The following ACAD11 variants were observed in gnomAD, a reference collection of about 807,000 sequenced individuals.
ACAD11 encodes acyl-CoA dehydrogenase family member 11, also known as acyl-Coenzyme A dehydrogenase family, member 11.
ACAD11 carries 83 observed loss-of-function variants against 102.2 expected under a neutral mutation model. The observed-to-expected ratio is 0.81, with a 90% confidence interval of 0.68 to 0.97. The LOEUF is 0.97. Ranked by LOEUF, ACAD11 falls within the 50% of genes least tolerant of loss-of-function variation. The pLI, the probability that ACAD11 is intolerant of heterozygous loss-of-function variation, is 0.00. For synonymous variants in ACAD11, 324 were observed against 319.8 expected (o/e 1.01, Z -0.14); for missense variants, 901 against 951.7 (o/e 0.95, Z 0.70).
chr3:132,637,844 A>C (rs574846376), intron 5 of ACAD11, among the ~76,000 whole-genome samples: 1 of 152,298 alleles, frequency 6.6e-6, no homozygotes, highest in Non-Finnish European at 1.5e-5. Context: ...TGTCATTTAA[A>C]ATTGTTTATT....
chr3:132,579,044 T>C (rs748615279), intron 14 of ACAD11, 163 bp from the exon 15 acceptor site: 5 of 1,512,550 alleles, frequency 3.3e-6, no homozygotes, highest in Non-Finnish European at 4.4e-6. Context: ...CATAGTCTGA[T>C]GCAGGCTGTG....
At chr3:132,638,178 T>C (rs193022722) in intron 5 of ACAD11, among the ~76,000 whole-genome samples, 65 of 152,236 alleles carry the variant, frequency 4.3e-4, no homozygotes, top group Middle Eastern at 3.4e-3. Flanking sequence ...TTGCTCCACA[T>C]TGACTGTTTC....
At position 132,636,232 on chromosome 3, in the gene ACAD11, A is replaced by G. The variant is rs572555384; in HGVS notation, c.702+3260T>C. ...TGTGTTGAGAGTTATTAAAAGCTCAACATAACTTTTAGTGGTTGATCTGGA... is the reference window on the plus strand; with the variant it reads ...TGTGTTGAGAGTTATTAAAAGCTCAGCATAACTTTTAGTGGTTGATCTGGA... On this transcript the variant is annotated intron_variant, in intron 5 of 19. Transcript: ENST00000264990. Among the ~76,000 whole-genome samples the G allele has an allele frequency of 2.4e-4, 36 of 152,320 alleles. No homozygotes were observed. In the South Asian group the frequency reaches 7.2e-3, roughly 31 times the overall value.
intron 17 of ACAD11, among the ~76,000 whole-genome samples, chr3:132,568,368 T>C (rs988335194): frequency 1.3e-5 from 2 of 152,110 alleles, no homozygotes; most frequent in Non-Finnish European, 2.9e-5. Context: ...ACAGATGAGA[T>C]GATGTGTGTA....
intron 1 of ACAD11, chr3:132,649,960 T>C (rs1348322211): frequency 6.6e-6 from 1 of 152,138 alleles, no homozygotes; most frequent in Non-Finnish European, 1.5e-5. Context: ...TTGCTGTTGA[T>C]AAGAGATCAG....
At chr3:132,604,707 T>C (rs1938762223) in intron 12 of ACAD11, among the ~76,000 whole-genome samples, 2 of 152,204 alleles carry the variant, frequency 1.3e-5, no homozygotes, top group Non-Finnish European at 2.9e-5. Context: ...TCTGGGTTTA[T>C]GGAAGAGTTG....
rs544486722 is a variant in ACAD11 at position 132,575,893 on chromosome 3, C to T, written c.1880G>A (p.Arg627His). Residue 627 changes from arginine to histidine, a missense_variant, in exon 17 of 20, where the codon CGC becomes CAC. Transcript: ENST00000264990. ...GTGGTGGATTCTGCCAGGTCCAAGG[C>T]GGCCTTGGGAAATTTCAAATCCCCT... is the stretch of plus-strand genomic sequence containing the variant. Reference protein sequence around the residue: ...EGRGFEISQGRLGPGRIHHCM... With the variant: ...EGRGFEISQGHLGPGRIHHCM... 19 of 1,613,834 alleles carry T rather than the reference C, an allele frequency of 1.2e-5. 1 individual carries two copies. The highest frequency in any genetic ancestry group is 1.7e-4 in the Middle Eastern group (1 of 6,060).
chr3:132,585,077 C>T (rs902597686), intron 13 of ACAD11, among the ~76,000 whole-genome samples: 1 of 152,178 alleles, frequency 6.6e-6, no homozygotes, highest in African/African-American at 2.4e-5. Context: ...AGGCATCACG[C>T]TACCTGACTT....
At chr3:132,560,777 G>A (rs189782952) in intron 18 of ACAD11, among the ~76,000 whole-genome samples, 26 of 152,202 alleles carry the variant, frequency 1.7e-4, no homozygotes, top group African/African-American at 6.0e-4. Flanking sequence ...GAAAAGTTAA[G>A]TACTTTGCCC....
intron 13 of ACAD11, among the ~76,000 whole-genome samples, chr3:132,584,250 G>A (rs1937696748): frequency 6.6e-6 from 1 of 152,110 alleles, no homozygotes; most frequent in Admixed American, 6.6e-5. Context: ...CTCCTATATC[G>A]GGTGCATATA....
chr3:132,628,433 C>T lies in ACAD11; in HGVS notation c.977G>A (p.Arg326Lys), dbSNP rs1271874230. ...MAGIAQGVYS[R>K]YLLGNNSSED... ...AGATGAATTATTTCCCAGAAGATAT[C>T]TGCTATATACTCCCTATAAATAAAC... The change falls in exon 8 of 20, where the codon AGA (arginine) becomes AAA (lysine). Residue 326 changes from arginine to lysine, a missense_variant. Physicochemically the swap from Arg to Lys is conservative, Grantham distance 26. Coordinates refer to ENST00000264990, the MANE Select transcript of ACAD11 (RefSeq NM_032169.5). 6.3e-7 allele frequency: 1 copy of T among 1,597,312 alleles called. No individual in the cohort carries two copies. The highest frequency in any genetic ancestry group is 8.6e-7 in the Non-Finnish European group (1 of 1,169,064).
At chr3:132,616,019 C>T (rs942903550) in intron 11 of ACAD11, among the ~76,000 whole-genome samples, 14 of 152,154 alleles carry the variant, frequency 9.2e-5, no homozygotes, top group African/African-American at 3.4e-4. Context: ...ATCTTTTATA[C>T]TTAAGAAACC....
chr3:132,642,549 A>G (rs1940564263), intron 3 of ACAD11, 128 bp downstream of exon 3: 2 of 1,061,770 alleles, frequency 1.9e-6, no homozygotes, highest in African/African-American at 1.6e-5. Flanking sequence ...AAACCTTTGC[A>G]ATGCAATCTA....
Position 132,641,989 on chromosome 3 carries a change from C to T in ACAD11, c.520G>A (p.Gly174Arg), listed in dbSNP as rs1187216919. ...TGCATTACCTGTCTTTTGCAGTACC[C>T]AGCACCTATACCATATCCTTCCAGC... ...LQLEGYGIGA[G>R]YCKRQVSTWT... The change falls in exon 4 of 20, where the codon GGG becomes AGG. Residue 174 changes from glycine to arginine, a missense_variant. Gly to Arg is a moderately radical substitution (Grantham distance 125). Coordinates refer to ENST00000264990, the MANE Select transcript of ACAD11 (RefSeq NM_032169.5). 1 of 1,612,434 alleles carries T rather than the reference C, an allele frequency of 6.2e-7. No homozygotes were observed. Among genetic ancestry groups the T allele is most frequent in the East Asian group, 2.2e-5 (1 of 44,850 alleles).
intron 19 of ACAD11, 69 bp from the exon 20 acceptor site, chr3:132,559,154 C>A: frequency 9.5e-7 from 1 of 1,056,100 alleles, no homozygotes; most frequent in South Asian, 1.3e-5. Flanking sequence ...TGACATCAGT[C>A]ACTCTGATTG....
Position 132,559,815 on chromosome 3 carries a change from TA to T in ACAD11, c.2228+17del, listed in dbSNP as rs1423063163. The T allele has an allele frequency of 6.2e-7, 1 of 1,600,334 alleles. No homozygotes were observed. The highest frequency in any genetic ancestry group is 2.2e-5 in the East Asian group (1 of 44,688). Reference sequence around the variant, plus strand: ...ACGCCTATCAAACGTAGATGATTCTTAAATGACATCTACTCACATGTTAGCC... The same window carrying T: ...ACGCCTATCAAACGTAGATGATTCTTAATGACATCTACTCACATGTTAGCC... On this transcript the variant is annotated intron_variant, in intron 19 of 19. Transcript: ENST00000264990.
intron 11 of ACAD11, among the ~76,000 whole-genome samples, chr3:132,609,197 G>A (rs1235394973): frequency 2.0e-5 from 3 of 151,998 alleles, no homozygotes; most frequent in African/African-American, 7.2e-5. Context: ...CGGGAAAGAT[G>A]TAAAATTGAC....
intron 13 of ACAD11, among the ~76,000 whole-genome samples, chr3:132,584,146 G>A (rs1244501066): frequency 5.3e-5 from 8 of 152,106 alleles, no homozygotes; most frequent in Non-Finnish European, 7.4e-5. Flanking sequence ...TCTGTCTAAC[G>A]TTGACAGTGG....
chr3:132,639,674 A>C lies in ACAD11; in HGVS notation c.538-18T>G, dbSNP rs1274730424. 6.3e-7 allele frequency: 1 copy of C among 1,594,614 alleles called. No homozygotes were observed. The highest frequency in any genetic ancestry group is 1.8e-5 in the Admixed American group (1 of 54,394). On this transcript the variant is annotated intron_variant, in intron 4 of 19. Coordinates refer to ENST00000264990, the MANE Select transcript of ACAD11 (RefSeq NM_032169.5). ...GTTGATACCTAAAGACATATAAATA[A>C]GAAAAATGGTAAAGCTGAAACTGGA...
Sources: gnomAD v4.1 joint callset for allele counts (sites outside exome capture counted in the v4.1 genomes callset) on GRCh38, gnomAD v4.1.1 for gene constraint, MANE v1.5 for transcripts, NCBI Gene and HGNC (gene_info 2026-07-23, HGNC 2026-07-21) for gene names.